GRIN2A: variants seen among roughly 807,000 people sequenced by gnomAD.
GRIN2A encodes glutamate ionotropic receptor NMDA type subunit 2A.
Under a neutral mutation model 113.4 loss-of-function variants are expected in GRIN2A, and 22 were observed. That is an observed-to-expected ratio of 0.19 (90% CI 0.14 to 0.28). The LOEUF (loss-of-function observed/expected upper bound fraction) is 0.28, where lower values mean the gene tolerates loss of function less well. Ranked by LOEUF, GRIN2A falls within the 10% of genes least tolerant of loss-of-function variation. The pLI, the probability that GRIN2A is intolerant of heterozygous loss-of-function variation, is 1.00. For synonymous variants in GRIN2A, 827 were observed against 738.4 expected, an observed-to-expected ratio of 1.12 and a Z score of -1.94; for missense variants, 1,502 against 1,887.0, an observed-to-expected ratio of 0.80 and a Z score of 3.78.
chr16:9,785,239 A>C (rs948630814), intron 11 of GRIN2A, among the ~76,000 whole-genome samples: 23 of 152,206 alleles, frequency 1.5e-4, no homozygotes, highest in Admixed American at 4.6e-4. Flanking sequence ...CACATATACA[A>C]CATGGAATAC....
At chr16:9,966,988 T>C (rs369870962) in intron 2 of GRIN2A, among the ~76,000 whole-genome samples, 11 of 152,336 alleles carry the variant, frequency 7.2e-5, no homozygotes, top group African/African-American at 2.6e-4. Flanking sequence ...TCAGCAGTAG[T>C]GAAACATGAG....
chr16:9,998,056 T>C (rs1400762106), intron 2 of GRIN2A, among the ~76,000 whole-genome samples: 1 of 152,188 alleles, frequency 6.6e-6, no homozygotes, highest in Non-Finnish European at 1.5e-5. Context: ...CCATAACTTT[T>C]TACACAAATA....
intron 4 of GRIN2A, among the ~76,000 whole-genome samples, chr16:9,861,499 G>A (rs1189614787): frequency 6.6e-6 from 1 of 152,158 alleles, no homozygotes; most frequent in Non-Finnish European, 1.5e-5. Context: ...AAGTAATTCT[G>A]GGTCTTGGGT....
At chr16:9,797,391 G>A (rs1903063717) in intron 11 of GRIN2A, among the ~76,000 whole-genome samples, 3 of 152,200 alleles carry the variant, frequency 2.0e-5, no homozygotes, top group Admixed American at 6.5e-5. Context: ...AGCCTCTAGA[G>A]GCCATGCCAG....
intron 2 of GRIN2A, among the ~76,000 whole-genome samples, chr16:10,010,920 A>C (rs933003760): frequency 2.0e-5 from 3 of 152,030 alleles, no homozygotes; most frequent in African/African-American, 7.2e-5. Context: ...CCCACCCTTC[A>C]CCTGAAGTTG....
At chr16:9,806,584 G>A (rs2041972049) in intron 10 of GRIN2A, among the ~76,000 whole-genome samples, 1 of 152,076 alleles carries the variant, frequency 6.6e-6, no homozygotes, top group Non-Finnish European at 1.5e-5. Flanking sequence ...GAGAACTAGG[G>A]AGGAGGAAGA....
In GRIN2A at chr16:9,763,025, C is replaced by A. The variant is rs1178584413; in HGVS notation, c.*124G>T. ...TGTGCAAAAGAGCCAACAACAACAA[C>A]AACAAAATACCTCCCTACATCTTCT... On this transcript the variant is annotated 3_prime_UTR_variant, in exon 13 of 13. Transcript: ENST00000330684. The A allele has an allele frequency of 1.0e-6, 1 of 991,280 alleles. No homozygotes were observed. The highest frequency in any genetic ancestry group is 1.5e-6 in the Non-Finnish European group (1 of 658,198). 61.4% of individuals were successfully genotyped at this position (991,280 alleles called of 1,614,324 possible). A position where few individuals can be genotyped will look rare whatever the true frequency, so the allele number is the denominator to read the frequency against.
intron 11 of GRIN2A, among the ~76,000 whole-genome samples, chr16:9,785,392 G>A (rs1902176209): frequency 7.2e-6 from 1 of 138,116 alleles, no homozygotes; most frequent in Non-Finnish European, 1.5e-5. Context: ...TGAACAATGA[G>A]ATCACATGGA....
intron 3 of GRIN2A, among the ~76,000 whole-genome samples, chr16:9,895,986 TAA>T (rs1191315022): frequency 1.3e-5 from 2 of 152,124 alleles, no homozygotes; most frequent in Non-Finnish European, 2.9e-5. Flanking sequence ...TTGGTTTCGA[TAA>T]AGACACTTGC....
intron 2 of GRIN2A, among the ~76,000 whole-genome samples, chr16:10,054,779 G>A (rs2047416590): frequency 6.6e-6 from 1 of 151,954 alleles, no homozygotes; most frequent in Non-Finnish European, 1.5e-5. Context: ...CAGGCGCAGT[G>A]GCTTACGCCT....
In GRIN2A at chr16:9,763,744, T is replaced by C. The variant is rs1333994593; in HGVS notation, c.3800A>G (p.Tyr1267Cys). Residue 1267 changes from tyrosine (Y) to cysteine (C), a missense_variant, in exon 13 of 13, where the codon TAC (tyrosine) becomes TGC (cysteine). Transcript: ENST00000330684. ...TGNPATGEQV[Y>C]QQDWAQNNAL... The stretch of plus-strand genomic sequence containing the variant: ...ATTGTTCTGTGCCCAGTCCTGCTGG[T>C]AGACCTGCTCCCCGGTGGCTGGGTT... 6.2e-7 allele frequency: 1 copy of C among 1,614,168 alleles called. No homozygotes were observed. Among genetic ancestry groups the C allele is most frequent in the African/African-American group, 1.3e-5 (1 of 75,036 alleles).
intron 2 of GRIN2A, among the ~76,000 whole-genome samples, chr16:9,961,255 A>G (rs2045436832): frequency 6.6e-6 from 1 of 152,152 alleles, no homozygotes. Context: ...TACCACTCTG[A>G]TGGAAATACG....
chr16:10,067,110 C>CT (rs1394763007), intron 2 of GRIN2A, among the ~76,000 whole-genome samples: 2 of 152,316 alleles, frequency 1.3e-5, no homozygotes, highest in South Asian at 2.1e-4. Context: ...CAAATTCCCT[C>CT]TTTTTTGCTG....
intron 3 of GRIN2A, among the ~76,000 whole-genome samples, chr16:9,897,755 A>G (rs1264553984): frequency 6.6e-6 from 1 of 152,116 alleles, no homozygotes; most frequent in Non-Finnish European, 1.5e-5. Context: ...GACTTGCATT[A>G]TATTTCTAAT....
intron 4 of GRIN2A, among the ~76,000 whole-genome samples, chr16:9,878,092 A>C (rs912907470): frequency 2.0e-5 from 3 of 152,088 alleles, no homozygotes; most frequent in African/African-American, 7.2e-5. Context: ...ATGGCAATGG[A>C]AAACTAGCAA....
intron 11 of GRIN2A, among the ~76,000 whole-genome samples, chr16:9,770,039 GA>G (rs1216194478): frequency 2.0e-5 from 3 of 152,166 alleles, no homozygotes; most frequent in African/African-American, 7.2e-5. Context: ...ATGGGGGGAA[GA>G]AAAGAGTAGG....
intron 4 of GRIN2A, among the ~76,000 whole-genome samples, chr16:9,886,393 A>T (rs1385404388): frequency 2.0e-5 from 3 of 152,246 alleles, no homozygotes; most frequent in African/African-American, 7.2e-5. Flanking sequence ...AAGCATATTC[A>T]AAGTCCCAAA....
chr16:10,039,807 G>T (rs1293626659), intron 2 of GRIN2A, among the ~76,000 whole-genome samples: 1 of 84,766 alleles, frequency 1.2e-5, no homozygotes, highest in African/African-American at 4.4e-5. Flanking sequence ...GGGGAGGGGG[G>T]GGAGAAAGAG....
intron 4 of GRIN2A, among the ~76,000 whole-genome samples, chr16:9,885,003 C>T (rs904036873): frequency 2.0e-5 from 3 of 152,026 alleles, no homozygotes; most frequent in Non-Finnish European, 2.9e-5. Context: ...TCCCAAAGTG[C>T]TGGGATTACA....
Sources: gnomAD v4.1 joint callset for allele counts (sites outside exome capture counted in the v4.1 genomes callset) on GRCh38, gnomAD v4.1.1 for gene constraint, MANE v1.5 for transcripts, NCBI Gene and HGNC (gene_info 2026-07-23, HGNC 2026-07-21) for gene names.